The following MARCHF10 variants were observed in gnomAD, a reference collection of about 807,000 sequenced individuals.
MARCHF10 encodes probable E3 ubiquitin-protein ligase MARCHF10.
In MARCHF10, 64 loss-of-function variants were observed where a neutral mutation model predicts 76.2. The ratio of observed to expected loss-of-function variants is 0.84; its 90% CI spans 0.69 to 1.03. The LOEUF (loss-of-function observed/expected upper bound fraction) is 1.03, where lower values mean the gene tolerates loss of function less well. MARCHF10 is among the 50% of genes least tolerant of loss of function. The probability of loss-of-function intolerance (pLI) is 0.00; values close to 1 mark genes in which losing one functional copy is unlikely to be tolerated. For missense variants in MARCHF10, 875 were observed against 958.0 expected (o/e 0.91, Z 1.14); for synonymous variants, 340 against 357.5 (o/e 0.95, Z 0.55).
In MARCHF10 at chr17:62,712,395, G is replaced by A. The variant is rs914172495; in HGVS notation, c.2215-1051C>T. On this transcript the variant is annotated intron_variant, in intron 8 of 10. Coordinates refer to ENST00000311269, the MANE Select transcript of MARCHF10 (RefSeq NM_152598.4). The surrounding 1 kb of genome is among the most constrained non-coding windows in gnomAD (Gnocchi z 4.2). ...TCATCTGCCTTCTTCCTGCAGCAGC[G>A]CGGGTGCCACATCTTCCTGTTCTCA... 3.3e-5 allele frequency among the ~76,000 whole-genome samples: 5 copies of A among 152,212 alleles called. No homozygotes were observed. The highest frequency in any genetic ancestry group is 1.9e-4 in the East Asian group (1 of 5,190).
At chr17:62,723,058 C>T (rs1408349529) in intron 7 of MARCHF10, among the ~76,000 whole-genome samples, 8 of 151,196 alleles carry the variant, frequency 5.3e-5, no homozygotes, top group African/African-American at 1.9e-4. Context: ...AAAAATCTGC[C>T]TTTACTCCTG....
At position 62,788,509 on chromosome 17, in the gene MARCHF10, G is replaced by A. The variant is rs776276487; in HGVS notation, c.181C>T (p.Arg61Trp). Residue 61 changes from arginine (R) to tryptophan (W), a missense_variant, in exon 3 of 11, where the codon CGG (arginine) becomes TGG (tryptophan). Physicochemically the swap from Arg to Trp is moderately radical, Grantham distance 101. Transcript: ENST00000311269. ...TTGGAAGATGACCTGCTAGAAAACC[G>A]GGATCTCTCAAAACTTGTCTCTTGC... ...WGQETSFERSRFSSRSSSKQS... is the reference protein window; with the variant it reads ...WGQETSFERSWFSSRSSSKQS... The A allele has an allele frequency of 2.0e-5, 32 of 1,613,944 alleles. No individual in the cohort carries two copies. In the Middle Eastern group the frequency reaches 8.2e-4, roughly 41 times the overall value.
At chr17:62,760,499 G>A (rs1246195674) in intron 3 of MARCHF10, among the ~76,000 whole-genome samples, 1 of 152,296 alleles carries the variant, frequency 6.6e-6, no homozygotes, top group African/African-American at 2.4e-5. Context: ...GGTGCAACAC[G>A]AGACAGACTA....
chr17:62,797,726 C>A (rs1202014190), intron 2 of MARCHF10, among the ~76,000 whole-genome samples: 5 of 152,130 alleles, frequency 3.3e-5, no homozygotes, highest in African/African-American at 1.2e-4. Context: ...ATCCTATATT[C>A]CAATGGTATC....
intron 3 of MARCHF10, among the ~76,000 whole-genome samples, chr17:62,787,666 A>G (rs894411925): frequency 5.3e-5 from 8 of 152,148 alleles, no homozygotes; most frequent in African/African-American, 1.7e-4. Context: ...TCTACCACGC[A>G]CTGGCTGTGA....
At position 62,759,764 on chromosome 17, in the gene MARCHF10, C is replaced by T. The variant is rs1353129344; in HGVS notation, c.382+71G>A. ...GGGATTACAGGCGTGAGCCACCGTG[C>T]TCGGCCTGTTGTTGTTATTTTTAAT... On this transcript the variant is annotated intron_variant, in intron 4 of 10. Coordinates refer to ENST00000311269, the MANE Select transcript of MARCHF10 (RefSeq NM_152598.4). The T allele has an allele frequency of 1.5e-5, 23 of 1,508,658 alleles. No individual in the cohort carries two copies. In the African/African-American group the frequency reaches 1.7e-4, roughly 11 times the overall value. 93.5% of individuals were successfully genotyped at this position (1,508,658 alleles called of 1,614,324 possible).
intron 6 of MARCHF10, among the ~76,000 whole-genome samples, chr17:62,728,687 G>T (rs2090876183): frequency 6.6e-6 from 1 of 152,172 alleles, no homozygotes; most frequent in Non-Finnish European, 1.5e-5. Context: ...AAAAAAATGT[G>T]ATTAACGAAA....
intron 3 of MARCHF10, among the ~76,000 whole-genome samples, chr17:62,779,604 G>A (rs753052316): frequency 7.2e-5 from 11 of 152,306 alleles, no homozygotes; most frequent in African/African-American, 1.9e-4. Context: ...TGAGTCACCC[G>A]AGAGCTAATA....
chr17:62,742,283 G>C (rs2091543407), intron 5 of MARCHF10, among the ~76,000 whole-genome samples: 1 of 152,068 alleles, frequency 6.6e-6, no homozygotes, highest in Non-Finnish European at 1.5e-5. Flanking sequence ...GCCTCCCAAA[G>C]TGCTGGGATT....
At chr17:62,756,296 A>T (rs2147931051) in intron 4 of MARCHF10, among the ~76,000 whole-genome samples, 1 of 152,032 alleles carries the variant, frequency 6.6e-6, no homozygotes, top group Admixed American at 6.5e-5. Flanking sequence ...CAAGTAAAAA[A>T]TTAGCCAGGC....
At chr17:62,801,253 G>C (rs1263853173) in intron 2 of MARCHF10, among the ~76,000 whole-genome samples, 2 of 152,056 alleles carry the variant, frequency 1.3e-5, no homozygotes, top group Non-Finnish European at 2.9e-5. Flanking sequence ...CTGCCTCCCG[G>C]GTTCAAGCGA....
At chr17:62,762,362 T>C (rs987421856) in intron 3 of MARCHF10, among the ~76,000 whole-genome samples, 1 of 152,204 alleles carries the variant, frequency 6.6e-6, no homozygotes, top group African/African-American at 2.4e-5. Flanking sequence ...AGTCTAGAAA[T>C]TGCAGCTAGA....
chr17:62,712,330 C>T lies in MARCHF10; in HGVS notation c.2215-986G>A, dbSNP rs917335641. On this transcript the variant is annotated intron_variant, in intron 8 of 10. Coordinates refer to ENST00000311269, the MANE Select transcript of MARCHF10 (RefSeq NM_152598.4). This position sits in a 1 kb window ranked among gnomAD's most constrained non-coding sequence, Gnocchi z 4.2. ...CTGTGACTCTGTCGGCCCAGGATAA[C>T]GATGCGTGGGCATGAATGACACAGT... Among the ~76,000 whole-genome samples, 17 of 152,222 alleles carry T rather than the reference C, an allele frequency of 1.1e-4. No individual in the cohort carries two copies. The highest frequency in any genetic ancestry group is 4.1e-4 in the African/African-American group (17 of 41,458).
At chr17:62,781,503 C>T (rs1343435116) in intron 3 of MARCHF10, among the ~76,000 whole-genome samples, 1 of 152,212 alleles carries the variant, frequency 6.6e-6, no homozygotes, top group African/African-American at 2.4e-5. Flanking sequence ...CAAGCCACGA[C>T]TGTAAATGTA....
chr17:62,771,321 C>T (rs989139081), intron 3 of MARCHF10, among the ~76,000 whole-genome samples: 2 of 151,940 alleles, frequency 1.3e-5, no homozygotes, highest in African/African-American at 4.8e-5. Context: ...GTGACCTCAG[C>T]TGCAATCTCA....
chr17:62,790,967 G>T (rs185882145), intron 2 of MARCHF10, among the ~76,000 whole-genome samples: 1 of 152,310 alleles, frequency 6.6e-6, no homozygotes, highest in Admixed American at 6.5e-5. Context: ...CTTGGGAAGG[G>T]ACAACATCTG....
chr17:62,793,692 C>T (rs2092928517), intron 2 of MARCHF10, among the ~76,000 whole-genome samples: 1 of 149,152 alleles, frequency 6.7e-6, no homozygotes, highest in Admixed American at 6.7e-5. Context: ...ACCACCACCA[C>T]AACCATTACC....
At chr17:62,753,633 C>T (rs763631667) in intron 4 of MARCHF10, among the ~76,000 whole-genome samples, 1 of 152,200 alleles carries the variant, frequency 6.6e-6, no homozygotes, top group Non-Finnish European at 1.5e-5. Flanking sequence ...TGCTCCCTCT[C>T]CTCCGTTCCT....
chr17:62,727,667 A>G (rs931586008), intron 6 of MARCHF10, among the ~76,000 whole-genome samples: 2 of 152,218 alleles, frequency 1.3e-5, no homozygotes, highest in Non-Finnish European at 2.9e-5. Flanking sequence ...AAAGACCAAA[A>G]AAGAAAATTA....
Sources: allele counts gnomAD v4.1 joint callset (sites outside exome capture counted in the v4.1 genomes callset), GRCh38; gene constraint gnomAD v4.1.1; non-coding constraint Gnocchi (gnomAD v3.1); transcripts MANE v1.5; gene names NCBI Gene and HGNC (gene_info 2026-07-23, HGNC 2026-07-21).